NLRC5: variants seen among roughly 807,000 people sequenced by gnomAD.
NLRC5 encodes the protein protein NLRC5.
In NLRC5, 114 loss-of-function variants were observed where a neutral mutation model predicts 206.9. The observed-to-expected ratio is 0.55, with a 90% CI of 0.47 to 0.64. NLRC5 has a LOEUF of 0.64. NLRC5 is among the 30% of genes least tolerant of loss of function. The pLI, the probability that NLRC5 is intolerant of heterozygous loss-of-function variation, is 0.00. For synonymous variants in NLRC5, 952 were observed against 962.8 expected (o/e 0.99, Z 0.21); for missense variants, 2,008 against 2,305.5 (o/e 0.87, Z 2.64).
At chr16:56,993,802 A>T (rs1278564947) in intron 1 of NLRC5, among the ~76,000 whole-genome samples, 1 of 151,986 alleles carries the variant, frequency 6.6e-6, no homozygotes, top group East Asian at 1.9e-4. Flanking sequence ...AGCACTTTTC[A>T]TGTTAAGGGA....
intron 20 of NLRC5, 47 bp from the exon 21 acceptor site, chr16:57,045,401 G>C (rs2143899112): frequency 1.2e-6 from 2 of 1,609,814 alleles, no homozygotes; most frequent in East Asian, 4.5e-5. Flanking sequence ...TGCCAGGGAA[G>C]TTGGTCTTTG....
chr16:57,066,598 G>A lies in NLRC5; in HGVS notation c.4306G>A (p.Glu1436Lys). ...ATTTCCTCGCCAGGAAGAGAATCCAGAAGCTGTGGCACTCAGGTGGGACCC... is the reference window on the plus strand; with the variant it reads ...ATTTCCTCGCCAGGAAGAGAATCCAAAAGCTGTGGCACTCAGGTGGGACCC... ...LEFPRQEENP[E>K]AVALRLAHCD... The change falls in exon 34 of 49, where the codon GAA (glutamate) becomes AAA (lysine). Residue 1436 changes from glutamate to lysine, a missense_variant. Glu to Lys is a moderately conservative substitution (Grantham distance 56). Transcript: ENST00000688547. The A allele has an allele frequency of 6.2e-7, 1 of 1,614,010 alleles. No individual in the cohort carries two copies. Among genetic ancestry groups the A allele is most frequent in the Middle Eastern group, 1.6e-4 (1 of 6,062 alleles).
At chr16:57,024,466 C>T (rs2061040354) in intron 5 of NLRC5, among the ~76,000 whole-genome samples, 2 of 152,210 alleles carry the variant, frequency 1.3e-5, no homozygotes, top group African/African-American at 4.8e-5. Context: ...TAGTTCACTA[C>T]CTTGGCCTTT....
chr16:57,072,707 C>T (rs1392109860), intron 38 of NLRC5, among the ~76,000 whole-genome samples: 2 of 37,058 alleles, frequency 5.4e-5, no homozygotes, highest in Non-Finnish European at 1.1e-4. Context: ...TTTCTGATGA[C>T]CAAAAAAGTT....
intron 2 of NLRC5, among the ~76,000 whole-genome samples, chr16:57,020,064 A>C (rs2142906381): frequency 6.6e-6 from 1 of 152,164 alleles, no homozygotes. Context: ...AGAGACATCA[A>C]GACTCCATGG....
intron 27 of NLRC5, among the ~76,000 whole-genome samples, chr16:57,056,227 G>C (rs776811246): frequency 3.9e-5 from 6 of 152,176 alleles, no homozygotes; most frequent in Non-Finnish European, 8.8e-5. Context: ...CGCCAAAAAT[G>C]CCACACAATT....
chr16:57,006,894 T>TATTATTATTATC (rs1173815367), intron 1 of NLRC5, among the ~76,000 whole-genome samples: 4 of 148,126 alleles, frequency 2.7e-5, no homozygotes, highest in African/African-American at 4.9e-5. Context: ...AACACATTAT[T>TATTATTATTATC]ATTATTATTA....
chr16:57,059,494 T>C lies in NLRC5; in HGVS notation c.3948T>C (p.Ile1316=), dbSNP rs759323512. 6.2e-7 allele frequency: 1 copy of C among 1,611,988 alleles called. No individual in the cohort carries two copies. Among genetic ancestry groups the C allele is most frequent in the Admixed American group, 1.7e-5 (1 of 59,730 alleles). Residue 1316 remains isoleucine, a synonymous_variant, in exon 30 of 49, where the codon ATT becomes ATC. Coordinates refer to ENST00000688547, the MANE Select transcript of NLRC5 (RefSeq NM_001384950.1). ...VNLGSEQSFR[I]HFSREDQAGK... is the part of the protein sequence containing the mutation. ...TGGGCTCTGAGCAGAGCTTCCGGAT[T>C]CACTTCTCCAGAGAGGACCAGGCTG... is the stretch of plus-strand genomic sequence containing the variant.
chr16:57,028,277 CCCA>C, intron 7 of NLRC5, 22 bp from the exon 8 acceptor site: 8 of 1,609,512 alleles, frequency 5.0e-6, no homozygotes, highest in Non-Finnish European at 6.8e-6. Context: ...CTCGTTCCTC[CCCA>C]CCATCTTTGC....
chr16:57,041,466 T>G lies in NLRC5; in HGVS notation c.2940-19T>G. ...CTGTTCAGTGGGGCATGCAGCACTG[T>G]GTTTTTGTCCCTGGGCAGGCTGACA... On this transcript the variant is annotated intron_variant, in intron 17 of 48. Coordinates refer to ENST00000688547, the MANE Select transcript of NLRC5 (RefSeq NM_001384950.1). 4.1e-6 allele frequency: 6 copies of G among 1,471,230 alleles called. No individual in the cohort carries two copies. The highest frequency in any genetic ancestry group is 5.7e-6 in the Non-Finnish European group (6 of 1,051,306). The allele number at this position is 1,471,230 out of a possible 1,614,324, so 91.1% of individuals were successfully genotyped here.
Position 57,025,897 on chromosome 16 carries a change from T to C in NLRC5, c.954T>C (p.Pro318=). Residue 318 remains proline (P), a synonymous_variant, in exon 6 of 49, where the codon CCT becomes CCC. Transcript: ENST00000688547. The part of the protein sequence containing the change: ...GLDEALQPMG[P]DGPGPVLTLF... ...ATGAGGCCCTCCAGCCTATGGGTCC[T>C]GATGGCCCAGGCCCAGTCCTCACCC... 1 of 1,614,240 alleles carries C rather than the reference T, an allele frequency of 6.2e-7. No homozygotes were observed. The highest frequency in any genetic ancestry group is 8.5e-7 in the Non-Finnish European group (1 of 1,180,044).
chr16:57,056,754 G>A (rs77142395), intron 27 of NLRC5, among the ~76,000 whole-genome samples: 22,897 of 151,326 alleles, frequency 0.15, 2,162 homozygotes, highest in Non-Finnish European at 0.21. Context: ...CGCCTCCCAG[G>A]TTCAAGCAAT....
At position 57,029,975 on chromosome 16, in the gene NLRC5, C is replaced by T. The variant is rs1389643091; in HGVS notation, c.2328-20C>T. The stretch of plus-strand genomic sequence containing the variant: ...GGGGTAGGGGATTCCACTCCTGACA[C>T]CTTTGCCACAATCTTGCAGCCTGAG... On this transcript the variant is annotated intron_variant, in intron 9 of 48. Coordinates refer to ENST00000688547, the MANE Select transcript of NLRC5 (RefSeq NM_001384950.1). 3 of 1,613,976 alleles carry T rather than the reference C, an allele frequency of 1.9e-6. No homozygotes were observed. Among genetic ancestry groups the T allele is most frequent in the Non-Finnish European group, 2.5e-6 (3 of 1,179,842 alleles).
intron 43 of NLRC5, 148 bp downstream of exon 43, chr16:57,078,168 C>T: frequency 1.7e-6 from 1 of 600,000 alleles, no homozygotes; most frequent in Non-Finnish European, 2.8e-6. Flanking sequence ...TCCTTCCCTG[C>T]CTCTGATGTC....
intron 2 of NLRC5, among the ~76,000 whole-genome samples, chr16:57,017,897 G>A (rs2142854025): frequency 6.6e-6 from 1 of 152,276 alleles, no homozygotes; most frequent in South Asian, 2.1e-4. Context: ...GCTGGGCCAT[G>A]GATCTTTCAA....
chr16:57,045,742 A>G (rs969144348), intron 21 of NLRC5, among the ~76,000 whole-genome samples: 3 of 152,166 alleles, frequency 2.0e-5, no homozygotes, highest in Non-Finnish European at 4.4e-5. Flanking sequence ...TGGTTGGGAG[A>G]GGTCCCAGAG....
chr16:56,990,548 C>G (rs1032452937), intron 1 of NLRC5: 1 of 152,144 alleles, frequency 6.6e-6, no homozygotes, highest in Non-Finnish European at 1.5e-5. Context: ...TCGAGGAGGT[C>G]GGAAGAGGCT....
chr16:57,051,706 A>G, intron 24 of NLRC5, 85 bp downstream of exon 24: 1 of 999,902 alleles, frequency 1.0e-6, no homozygotes, highest in East Asian at 2.4e-5. Context: ...CCTGCCCTCT[A>G]ACCCCTCAAC....
chr16:57,027,271 T>C (rs1301008826), intron 6 of NLRC5, among the ~76,000 whole-genome samples: 1 of 152,226 alleles, frequency 6.6e-6, no homozygotes, highest in Non-Finnish European at 1.5e-5. Context: ...AGATCCAGGC[T>C]GTCTATAGAG....
Sources: gnomAD v4.1 joint callset for allele counts (sites outside exome capture counted in the v4.1 genomes callset) on GRCh38, gnomAD v4.1.1 for gene constraint, MANE v1.5 for transcripts, NCBI Gene and HGNC (gene_info 2026-07-23, HGNC 2026-07-21) for gene names.